EIF4E3: variants seen among roughly 807,000 people sequenced by gnomAD.
EIF4E3 encodes eukaryotic translation initiation factor 4E family member 3.
In EIF4E3, 26 loss-of-function variants were observed where a neutral mutation model predicts 31.7. That is an observed-to-expected ratio of 0.82 (90% CI 0.60 to 1.14). EIF4E3 has a LOEUF of 1.14. Ranked by LOEUF, EIF4E3 falls within the 50% of genes most tolerant of loss-of-function variation. EIF4E3 has a pLI of 0.00. For synonymous variants in EIF4E3, 128 were observed against 107.7 expected (o/e 1.19, Z -1.17); for missense variants, 304 against 270.9 (o/e 1.12, Z -0.86).
In EIF4E3 at chr3:71,678,418, C is replaced by G. The variant is rs1036876015; in HGVS notation, c.*6264G>C. 6.6e-6 allele frequency: 1 copy of G among 152,076 alleles called. No homozygotes were observed. The highest frequency in any genetic ancestry group is 2.4e-5 in the African/African-American group (1 of 41,412). The allele number at this position is 152,076 out of a possible 1,614,324, so 9.4% of individuals were successfully genotyped here. A position where few individuals can be genotyped will look rare whatever the true frequency, so the allele number is the denominator to read the frequency against. On this transcript the variant is annotated 3_prime_UTR_variant, in exon 7 of 7. Transcript: ENST00000425534. ...CCAAATTAGAAAATTGCAAAACAGT[C>G]TAAACATTTGCACTAAACACATAAA...
intron 5 of EIF4E3, among the ~76,000 whole-genome samples, chr3:71,693,658 A>G (rs1352602700): frequency 6.6e-6 from 1 of 152,242 alleles, no homozygotes; most frequent in Non-Finnish European, 1.5e-5. Flanking sequence ...ACATATATAA[A>G]TATGCACATA....
downstream of EIF4E3, among the ~76,000 whole-genome samples, chr3:71,670,441 G>A (rs137925370): frequency 2.8e-4 from 42 of 152,050 alleles, no homozygotes; most frequent in African/African-American, 8.9e-4. Flanking sequence ...CCCCAGCCAC[G>A]GCCCTCGTCT....
the EIF4E3 span, among the ~76,000 whole-genome samples, chr3:71,669,307 C>T: frequency 7.2e-5 from 11 of 152,000 alleles, no homozygotes; most frequent in South Asian, 2.1e-4. Context: ...AGGTAGATGA[C>T]GGGTTGATGG....
rs1421632292 is a variant in EIF4E3 at position 71,678,024 on chromosome 3, T to G, written c.*6658A>C. 1 of 152,114 alleles carries G rather than the reference T, an allele frequency of 6.6e-6. No individual in the cohort carries two copies. Among genetic ancestry groups the G allele is most frequent in the African/African-American group, 2.4e-5 (1 of 41,396 alleles). The allele number at this position is 152,114 out of a possible 1,614,324, so 9.4% of individuals were successfully genotyped here. On this transcript the variant is annotated 3_prime_UTR_variant, in exon 7 of 7. Coordinates refer to ENST00000425534, the MANE Select transcript of EIF4E3 (RefSeq NM_001134651.2). Reference sequence around the variant, plus strand: ...CAGGGAAGTGTAAAAATAACAACAGTTACTCCCCATCAGAATACCAGATAA... The same window carrying G: ...CAGGGAAGTGTAAAAATAACAACAGGTACTCCCCATCAGAATACCAGATAA...
rs1189374982 is a variant in EIF4E3, at chr3:71,746,948, G to A, written c.-291+6515C>T. On this transcript the variant is annotated intron_variant, in intron 1 of 7. Transcript: ENST00000295612. ...ATTTTCAAGGTTCATCCACGCTGGA[G>A]CATCACATACCAGTACTTGTTATTA... Among the ~76,000 whole-genome samples, 5 of 152,356 alleles carry A rather than the reference G, an allele frequency of 3.3e-5. No individual in the cohort carries two copies. The Middle Eastern group carries it at 0.014, about 415-fold the overall frequency.
chr3:71,711,300 G>A (rs1283063535), intron 1 of EIF4E3, among the ~76,000 whole-genome samples: 1 of 152,062 alleles, frequency 6.6e-6, no homozygotes, highest in Non-Finnish European at 1.5e-5. Flanking sequence ...AAAATGTTGG[G>A]GTACAATTAT....
At chr3:71,665,969 T>C in the EIF4E3 span, among the ~76,000 whole-genome samples, 1 of 152,206 alleles carries the variant, frequency 6.6e-6, no homozygotes, top group African/African-American at 2.4e-5. Flanking sequence ...GGGAAATTTA[T>C]AGCACTAAAT....
At chr3:71,688,320 T>C (rs1347597896) in intron 6 of EIF4E3, among the ~76,000 whole-genome samples, 1 of 152,238 alleles carries the variant, frequency 6.6e-6, no homozygotes, top group African/African-American at 2.4e-5. Context: ...TTTGTGGCCT[T>C]ATTATCTGAT....
At position 71,683,778 on chromosome 3, in the gene EIF4E3, G is replaced by C. The variant is rs2048953640; in HGVS notation, c.*904C>G. 1 of 152,180 alleles carries C rather than the reference G, an allele frequency of 6.6e-6. No individual in the cohort carries two copies. Among genetic ancestry groups the C allele is most frequent in the African/African-American group, 2.4e-5 (1 of 41,454 alleles). 9.4% of individuals were successfully genotyped at this position (152,180 alleles called of 1,614,324 possible). On this transcript the variant is annotated 3_prime_UTR_variant, in exon 7 of 7. Transcript: ENST00000425534. Reference sequence around the variant, plus strand: ...AAATGTGTTAGCGTTGACTGGGAAAGAAAGCCCTAAGTGGGTAAACACACC... The same window carrying C: ...AAATGTGTTAGCGTTGACTGGGAAACAAAGCCCTAAGTGGGTAAACACACC...
Position 71,677,314 on chromosome 3 carries a change from T to C in EIF4E3, c.*7368A>G, listed in dbSNP as rs1157657201. The C allele has an allele frequency of 5.3e-5, 8 of 152,314 alleles. No individual in the cohort carries two copies. The South Asian group carries it at 8.3e-4, about 16-fold the overall frequency. The allele number at this position is 152,314 out of a possible 1,614,324, so 9.4% of individuals were successfully genotyped here. A position where few individuals can be genotyped will look rare whatever the true frequency, so the allele number is the denominator to read the frequency against. On this transcript the variant is annotated 3_prime_UTR_variant, in exon 7 of 7. Coordinates refer to ENST00000425534, the MANE Select transcript of EIF4E3 (RefSeq NM_001134651.2). ...TCATGTAACAAAAGAACCATCGTCT[T>C]GTAGGATTCCAGAGATTTTTTTATG...
At chr3:71,749,701 G>A (rs574495302) in intron 1 of EIF4E3, among the ~76,000 whole-genome samples, 1 of 152,158 alleles carries the variant, frequency 6.6e-6, no homozygotes, top group South Asian at 2.1e-4. Context: ...TTGGGGAGTG[G>A]GGGTGGGAAA....
chr3:71,737,038 A>G (rs925586284), intron 1 of EIF4E3, among the ~76,000 whole-genome samples: 6 of 152,254 alleles, frequency 3.9e-5, no homozygotes, highest in African/African-American at 1.4e-4. Flanking sequence ...ATCCTTAACT[A>G]TTCTCATCTA....
chr3:71,674,511 AG>A (rs1330881578), downstream of EIF4E3, among the ~76,000 whole-genome samples: 10 of 152,268 alleles, frequency 6.6e-5, no homozygotes, highest in East Asian at 1.7e-3. Flanking sequence ...GCAGAAGTCA[AG>A]TGCACAGAAC....
intron 1 of EIF4E3, among the ~76,000 whole-genome samples, chr3:71,745,057 G>A (rs2049857390): frequency 6.6e-6 from 1 of 152,214 alleles, no homozygotes; most frequent in African/African-American, 2.4e-5. Flanking sequence ...ACCACTGCAA[G>A]TTCACATGGG....
At chr3:71,697,208 GGT>G (rs2049151956) in intron 3 of EIF4E3, among the ~76,000 whole-genome samples, 1 of 151,614 alleles carries the variant, frequency 6.6e-6, no homozygotes, top group Admixed American at 6.6e-5. Context: ...TTAGAGACAG[GGT>G]CTCTCTCACT....
intron 1 of EIF4E3, among the ~76,000 whole-genome samples, chr3:71,738,964 C>A (rs2049791917): frequency 9.8e-6 from 1 of 101,738 alleles, no homozygotes; most frequent in Admixed American, 9.6e-5. Flanking sequence ...TTCCAAATGC[C>A]TGAAAATTGA....
the EIF4E3 span, among the ~76,000 whole-genome samples, chr3:71,662,766 G>A: frequency 6.6e-6 from 1 of 152,046 alleles, no homozygotes; most frequent in Non-Finnish European, 1.5e-5. Context: ...AGTTTCCTGT[G>A]AATACTTCAA....
chr3:71,712,316 G>C (rs2049391126), intron 1 of EIF4E3, among the ~76,000 whole-genome samples: 1 of 152,158 alleles, frequency 6.6e-6, no homozygotes. Context: ...AAATACATCA[G>C]TCCACGTGGA....
At chr3:71,735,640 A>G (rs2049755016) in intron 1 of EIF4E3, among the ~76,000 whole-genome samples, 1 of 152,190 alleles carries the variant, frequency 6.6e-6, no homozygotes, top group South Asian at 2.1e-4. Flanking sequence ...GCAATTGTTG[A>G]AAAACACATG....
Sources: allele counts gnomAD v4.1 joint callset (sites outside exome capture counted in the v4.1 genomes callset), GRCh38; gene constraint gnomAD v4.1.1; transcripts MANE v1.5; gene names NCBI Gene and HGNC (gene_info 2026-07-23, HGNC 2026-07-21).